TANGO6: variants seen among roughly 807,000 people sequenced by gnomAD.
The protein encoded by TANGO6 is transport and golgi organization 6 homolog, also known as transport and Golgi organization protein 6 homolog.
Under a neutral mutation model 114.2 loss-of-function variants are expected in TANGO6, and 90 were observed. That is an observed-to-expected ratio of 0.79 (90% CI 0.66 to 0.94). The LOEUF is 0.94. Among genes scored for constraint, TANGO6 ranks in the 40% least tolerant of loss-of-function variants. The pLI is 0.00. For synonymous variants in TANGO6, 477 were observed against 509.8 expected (o/e 0.94, Z 0.87); for missense variants, 1,274 against 1,315.3 (o/e 0.97, Z 0.49).
intron 15 of TANGO6, among the ~76,000 whole-genome samples, chr16:68,992,209 A>C (rs1321183500): frequency 6.6e-6 from 1 of 152,218 alleles, no homozygotes; most frequent in African/African-American, 2.4e-5. Context: ...CTACAGTGGC[A>C]GCCACTGGGC....
rs1167989936 is a variant in TANGO6 at position 68,907,307 on chromosome 16, G to T, written c.1668-136G>T. ...TCAGAATGGAGAAACAATAAAATAA[G>T]TTAAATAAATTTGGGGGATCTTTTT... On this transcript the variant is annotated intron_variant, in intron 9 of 17. Transcript: ENST00000261778. The T allele has an allele frequency of 3.9e-6, 4 of 1,025,300 alleles. No homozygotes were observed. The Admixed American group carries it at 1.3e-4, about 33-fold the overall frequency. The allele number at this position is 1,025,300 out of a possible 1,614,324, so 63.5% of individuals were successfully genotyped here.
intron 17 of TANGO6, among the ~76,000 whole-genome samples, chr16:69,057,879 C>A (rs1252399325): frequency 6.6e-6 from 1 of 152,128 alleles, no homozygotes; most frequent in Non-Finnish European, 1.5e-5. Context: ...CCTCATGCTC[C>A]CCTACCTCTT....
At chr16:69,001,033 A>G (rs1022321762) in intron 15 of TANGO6, among the ~76,000 whole-genome samples, 1 of 152,232 alleles carries the variant, frequency 6.6e-6, no homozygotes, top group Admixed American at 6.5e-5. Context: ...CCTCTAAATT[A>G]GACAAAATTA....
At chr16:69,008,719 C>T (rs1381455943) in intron 15 of TANGO6, among the ~76,000 whole-genome samples, 1 of 151,762 alleles carries the variant, frequency 6.6e-6, no homozygotes, top group Non-Finnish European at 1.5e-5. Flanking sequence ...CTCAGCTGAC[C>T]ACAACCTCTG....
chr16:69,061,603 G>A (rs971095623), intron 17 of TANGO6, among the ~76,000 whole-genome samples: 1 of 152,022 alleles, frequency 6.6e-6, no homozygotes, highest in African/African-American at 2.4e-5. Flanking sequence ...TTATTTAGCT[G>A]TCAAAATTTT....
intron 7 of TANGO6, among the ~76,000 whole-genome samples, chr16:68,899,231 C>T (rs557490427): frequency 6.6e-6 from 1 of 152,130 alleles, no homozygotes; most frequent in East Asian, 1.9e-4. Flanking sequence ...TGTGATTGCA[C>T]CACTGCATTC....
rs1959616730 is a variant in TANGO6, at chr16:69,032,695, G to T, written c.2995-7613G>T. ...AGTTCAAGACCAGCCTAGCCAAGAT[G>T]GTGAAACCCCGTCTCTACTAAAAAT... On this transcript the variant is annotated intron_variant, in intron 16 of 17. Coordinates refer to ENST00000261778, the MANE Select transcript of TANGO6 (RefSeq NM_024562.2). Among the ~76,000 whole-genome samples, 3 of 152,092 alleles carry T rather than the reference G, an allele frequency of 2.0e-5. No individual in the cohort carries two copies. The South Asian group carries it at 6.2e-4, about 32-fold the overall frequency.
At chr16:68,869,335 G>A (rs1324872618) in intron 4 of TANGO6, among the ~76,000 whole-genome samples, 1 of 152,168 alleles carries the variant, frequency 6.6e-6, no homozygotes, top group Admixed American at 6.6e-5. Context: ...AAAATTAGCT[G>A]GGTGTGGTGG....
intron 14 of TANGO6, among the ~76,000 whole-genome samples, chr16:68,933,357 G>A (rs1176451293): frequency 1.3e-5 from 2 of 152,230 alleles, no homozygotes; most frequent in Admixed American, 1.3e-4. Context: ...GAGGGTTGCA[G>A]TGAGCCGAGA....
At chr16:69,058,181 C>A (rs1282872222) in intron 17 of TANGO6, among the ~76,000 whole-genome samples, 1 of 152,140 alleles carries the variant, frequency 6.6e-6, no homozygotes, top group Non-Finnish European at 1.5e-5. Flanking sequence ...GTGTACCCTC[C>A]TTGGGGTGAC....
At chr16:68,911,941 CA>C (rs1962927798) in intron 11 of TANGO6, among the ~76,000 whole-genome samples, 1 of 152,058 alleles carries the variant, frequency 6.6e-6, no homozygotes, top group Admixed American at 6.6e-5. Context: ...ACAATTAGAT[CA>C]TTAAAAGGAA....
intron 14 of TANGO6, among the ~76,000 whole-genome samples, chr16:68,952,020 A>G (rs1431044984): frequency 1.3e-5 from 2 of 152,108 alleles, no homozygotes; most frequent in Non-Finnish European, 2.9e-5. Context: ...GGGCTCCTTT[A>G]AAGTCCCTCA....
chr16:69,012,388 C>T (rs1390904258), intron 15 of TANGO6, among the ~76,000 whole-genome samples: 1 of 151,692 alleles, frequency 6.6e-6, no homozygotes, highest in Non-Finnish European at 1.5e-5. Context: ...GAAACCCCAT[C>T]TCTACTAAAA....
chr16:69,040,753 G>A (rs1239106897), intron 17 of TANGO6, among the ~76,000 whole-genome samples: 1 of 152,128 alleles, frequency 6.6e-6, no homozygotes, highest in African/African-American at 2.4e-5. Context: ...CTGAACTTCA[G>A]TGACTTGCCT....
chr16:69,034,254 A>G (rs1250062301), intron 16 of TANGO6: 2 of 153,458 alleles, frequency 1.3e-5, no homozygotes, highest in Non-Finnish European at 1.5e-5. Context: ...CCCAGGAACA[A>G]TGGCATCATC....
At chr16:68,990,973 A>C (rs1963941376) in intron 15 of TANGO6, among the ~76,000 whole-genome samples, 1 of 152,204 alleles carries the variant, frequency 6.6e-6, no homozygotes, top group Admixed American at 6.5e-5. Flanking sequence ...TTGTTGGGGC[A>C]AGAGATGATG....
At chr16:68,885,822 T>G (rs943681836) in intron 7 of TANGO6, 1 of 152,264 alleles carries the variant, frequency 6.6e-6, no homozygotes, top group African/African-American at 2.4e-5. Context: ...ACCATTTGGC[T>G]CTTATGAATA....
At chr16:68,948,808 CCTT>C (rs1963442199) in intron 14 of TANGO6, among the ~76,000 whole-genome samples, 2 of 152,304 alleles carry the variant, frequency 1.3e-5, no homozygotes, top group Non-Finnish European at 2.9e-5. Flanking sequence ...CACTGCCCAC[CCTT>C]CTTCCTGCAG....
At chr16:69,058,461 C>A (rs1213314829) in intron 17 of TANGO6, among the ~76,000 whole-genome samples, 1 of 152,166 alleles carries the variant, frequency 6.6e-6, no homozygotes, top group Non-Finnish European at 1.5e-5. Context: ...TAAGAAAATT[C>A]AGGTCCAGAA....
Sources: allele counts gnomAD v4.1 joint callset (sites outside exome capture counted in the v4.1 genomes callset), GRCh38; gene constraint gnomAD v4.1.1; transcripts MANE v1.5; gene names NCBI Gene and HGNC (gene_info 2026-07-23, HGNC 2026-07-21).